Variants in NCBP2 observed in about 807,000 individuals in gnomAD.
NCBP2 encodes nuclear cap-binding protein subunit 2.
NCBP2 carries 8 observed loss-of-function variants against 21.5 expected under a neutral mutation model. That is an observed-to-expected ratio of 0.37 (90% CI 0.22 to 0.67). NCBP2 has a LOEUF of 0.67. Among genes scored for constraint, NCBP2 ranks in the 30% least tolerant of loss-of-function variants. NCBP2 has a pLI of 0.56. For missense variants in NCBP2, 127 were observed against 206.9 expected, an observed-to-expected ratio of 0.61 and a Z score of 2.37; for synonymous variants, 92 against 75.8, an observed-to-expected ratio of 1.21 and a Z score of -1.11.
At chr3:196,942,295 G>T in intron 1 of NCBP2, 131 bp downstream of exon 1, 1 of 1,517,346 alleles carries the variant, frequency 6.6e-7, no homozygotes. Context: ...TGCCTCGCCA[G>T]CAGGCACCGG....
intron 1 of NCBP2, among the ~76,000 whole-genome samples, chr3:196,940,809 T>A (rs1716510307): frequency 6.6e-6 from 1 of 152,198 alleles, no homozygotes; most frequent in South Asian, 2.1e-4. Context: ...GAAGTGCAAA[T>A]CATGCCTGGC....
intron 2 of NCBP2, chr3:196,938,298 C>G (rs1444748091): frequency 6.6e-6 from 1 of 152,174 alleles, no homozygotes; most frequent in African/African-American, 2.4e-5. Context: ...GAAGCCCTGC[C>G]TGGGTCCAGT....
intron 1 of NCBP2, chr3:196,941,949 G>C (rs747804141): frequency 2.0e-6 from 3 of 1,536,338 alleles, no homozygotes; most frequent in South Asian, 1.2e-5. Context: ...TACAGCTTCC[G>C]TAACACCATC....
intron 1 of NCBP2, among the ~76,000 whole-genome samples, chr3:196,940,692 A>G (rs558191345): frequency 6.6e-6 from 1 of 152,322 alleles, no homozygotes; most frequent in South Asian, 2.1e-4. Context: ...GACTGAGGAG[A>G]TGAATAATAG....
chr3:196,936,582 C>A lies in NCBP2; in HGVS notation c.*429G>T. 5.9e-6 allele frequency: 1 copy of A among 168,598 alleles called. No individual in the cohort carries two copies. Among genetic ancestry groups the A allele is most frequent in the Non-Finnish European group, 1.3e-5 (1 of 77,726 alleles). 10.4% of individuals were successfully genotyped at this position (168,598 alleles called of 1,614,324 possible). A position where few individuals can be genotyped will look rare whatever the true frequency, so the allele number is the denominator to read the frequency against. On this transcript the variant is annotated 3_prime_UTR_variant, in exon 4 of 4. Coordinates refer to ENST00000321256, the MANE Select transcript of NCBP2 (RefSeq NM_007362.5). ...TGAGCCACCATGCCTGGCCCCACCT[C>A]CATTTATTAGGCTATCTCATGCAAA...
In NCBP2 at chr3:196,942,149, A is replaced by G. The variant is rs971108286; in HGVS notation, c.78+277T>C. 6 of 1,461,400 alleles carry G rather than the reference A, an allele frequency of 4.1e-6. No homozygotes were observed. In the African/African-American group the frequency reaches 8.5e-5, roughly 21 times the overall value. The allele number at this position is 1,461,400 out of a possible 1,614,324, so 90.5% of individuals were successfully genotyped here. ...GGAAACGGGAGCCGCCACCACCACC[A>G]CCGCTCAAACCTCTCGGCACTGGCT... is the stretch of plus-strand genomic sequence containing the variant. On this transcript the variant is annotated intron_variant, in intron 1 of 3. Coordinates refer to ENST00000321256, the MANE Select transcript of NCBP2 (RefSeq NM_007362.5).
chr3:196,937,424 A>G, intron 3 of NCBP2, 86 bp downstream of exon 3: 2 of 1,556,934 alleles, frequency 1.3e-6, no homozygotes, highest in East Asian at 2.3e-5. Flanking sequence ...GTTATTTACA[A>G]AAGAGTAAAT....
In NCBP2 at chr3:196,937,405, A is replaced by G. The variant is rs1716313893; in HGVS notation, c.399+105T>C. ...CAGATCCACTTCAAGCCAAGGTTAT[A>G]GACACAAAGTTATTTACAAAAGAGT... On this transcript the variant is annotated intron_variant, in intron 3 of 3. Transcript: ENST00000321256. The G allele has an allele frequency of 7.2e-6, 11 of 1,524,832 alleles. No individual in the cohort carries two copies. In the South Asian group the frequency reaches 1.3e-4, roughly 18 times the overall value. The allele number at this position is 1,524,832 out of a possible 1,614,324, so 94.5% of individuals were successfully genotyped here.
chr3:196,939,171 C>G (rs774458683), intron 2 of NCBP2, 80 bp downstream of exon 2: 1 of 1,278,564 alleles, frequency 7.8e-7, no homozygotes, highest in East Asian at 2.3e-5. Flanking sequence ...AACGTAGGGA[C>G]GAGTGCAGGG....
intron 2 of NCBP2, chr3:196,938,913 C>T (rs550673543): frequency 2.4e-5 from 5 of 209,708 alleles, no homozygotes; most frequent in Admixed American, 5.7e-5. Flanking sequence ...TCTTGAAAGA[C>T]GCCCAAGAAA....
At chr3:196,937,200 C>T in intron 3 of NCBP2, 118 bp from the exon 4 acceptor site, 1 of 1,041,590 alleles carries the variant, frequency 9.6e-7, no homozygotes, top group Admixed American at 1.7e-5. Context: ...GTGAACATTT[C>T]AAGCAGGACA....
At chr3:196,942,360 A>C in intron 1 of NCBP2, 66 bp downstream of exon 1, 1 of 1,572,328 alleles carries the variant, frequency 6.4e-7, no homozygotes, top group Non-Finnish European at 8.6e-7. Flanking sequence ...ACAATGAGAC[A>C]AGAGCAAACC....
At chr3:196,938,519 A>G (rs1292932572) in intron 2 of NCBP2, 1 of 152,292 alleles carries the variant, frequency 6.6e-6, no homozygotes, top group Non-Finnish European at 1.5e-5. Context: ...GAGGTCCAAT[A>G]CTTAAAAGAG....
chr3:196,941,580 C>G (rs561930448), intron 1 of NCBP2: 1 of 368,154 alleles, frequency 2.7e-6, no homozygotes, highest in South Asian at 4.0e-5. Flanking sequence ...TCGCAGAGCG[C>G]AGAAACTGTC....
At chr3:196,942,099 T>C (rs958190460) in intron 1 of NCBP2, 14 of 1,492,136 alleles carry the variant, frequency 9.4e-6, no homozygotes, top group Admixed American at 6.9e-5. Context: ...CCTTGCTACG[T>C]AGTCGTCTGC....
chr3:196,941,739 T>A, intron 1 of NCBP2: 1 of 624,400 alleles, frequency 1.6e-6, no homozygotes, highest in Non-Finnish European at 2.7e-6. Flanking sequence ...CTACTTTGAA[T>A]ATCTGCTGCC....
intron 1 of NCBP2, chr3:196,941,724 A>C (rs1025724101): frequency 4.9e-6 from 3 of 616,540 alleles, no homozygotes; most frequent in Non-Finnish European, 8.4e-6. Context: ...CTGATACTGA[A>C]AAGTCTACTT....
chr3:196,937,112 A>G lies in NCBP2; in HGVS notation c.400-30T>C, dbSNP rs1430256214. 1.9e-6 allele frequency: 3 copies of G among 1,598,234 alleles called. No individual in the cohort carries two copies. The African/African-American group carries it at 4.0e-5, about 21-fold the overall frequency. Reference sequence around the variant, plus strand: ...AATGGAAAGAATCCAGAGTTACAGTATGGAAAAGAATGGTGTAACAAATAT... The same window carrying G: ...AATGGAAAGAATCCAGAGTTACAGTGTGGAAAAGAATGGTGTAACAAATAT... On this transcript the variant is annotated intron_variant, in intron 3 of 3. Transcript: ENST00000321256.
chr3:196,935,703 A>C lies in NCBP2; in HGVS notation c.*1308T>G, dbSNP rs1716229110. 1 of 152,196 alleles carries C rather than the reference A, an allele frequency of 6.6e-6. No individual in the cohort carries two copies. The highest frequency in any genetic ancestry group is 1.9e-4 in the East Asian group (1 of 5,204). The allele number at this position is 152,196 out of a possible 1,614,324, so 9.4% of individuals were successfully genotyped here. ...AGCCCCAACTTTCACGGACTATTGG[A>C]AATTAGAAGGTACTTTGTTGCTAAG... is the stretch of plus-strand genomic sequence containing the variant. On this transcript the variant is annotated 3_prime_UTR_variant, in exon 4 of 4. Transcript: ENST00000321256.
Sources: allele counts gnomAD v4.1 joint callset (sites outside exome capture counted in the v4.1 genomes callset), GRCh38; gene constraint gnomAD v4.1.1; transcripts MANE v1.5; gene names NCBI Gene and HGNC (gene_info 2026-07-23, HGNC 2026-07-21).